The following NR3C2 variants were observed in gnomAD, a reference collection of about 807,000 sequenced individuals.
The protein encoded by NR3C2 is mineralocorticoid receptor.
Under a neutral mutation model 86.4 loss-of-function variants are expected in NR3C2, and 15 were observed. The observed-to-expected ratio is 0.17, with a 90% CI of 0.12 to 0.27. The LOEUF (loss-of-function observed/expected upper bound fraction) is 0.27. Among genes scored for constraint, NR3C2 ranks in the 10% least tolerant of loss-of-function variants. The pLI is 1.00. For missense variants in NR3C2, 960 were observed against 1,195.6 expected, an observed-to-expected ratio of 0.80 and a Z score of 2.91; for synonymous variants, 458 against 450.5, an observed-to-expected ratio of 1.02 and a Z score of -0.21.
At chr4:148,219,737 T>C (rs1009192384) in intron 3 of NR3C2, among the ~76,000 whole-genome samples, 1 of 152,198 alleles carries the variant, frequency 6.6e-6, no homozygotes, top group Non-Finnish European at 1.5e-5. Context: ...TTTGCAAAGA[T>C]ATAAAACAAC....
At chr4:148,392,388 A>C (rs540466939) in intron 2 of NR3C2, among the ~76,000 whole-genome samples, 12 of 152,362 alleles carry the variant, frequency 7.9e-5, no homozygotes, top group African/African-American at 2.6e-4. Flanking sequence ...ATAGGAAACC[A>C]AGTGTCTCTG....
rs184692310 is a variant in NR3C2, at chr4:148,103,119, C to A, written c.2799+10985G>T. On this transcript the variant is annotated intron_variant, in intron 8 of 8. Transcript: ENST00000358102. ...CTTAGAATAGCTTCCATCTATGTGG[C>A]AAACCCCGACTTGACTTTTGGGTCG... is the stretch of plus-strand genomic sequence containing the variant. Among the ~76,000 whole-genome samples the A allele has an allele frequency of 5.3e-3, 813 of 152,284 alleles. 11 individuals carry two copies. Among genetic ancestry groups the A allele is most frequent in the African/African-American group, 0.018 (758 of 41,552 alleles).
intron 8 of NR3C2, among the ~76,000 whole-genome samples, chr4:148,091,492 A>C (rs1171738388): frequency 1.3e-5 from 2 of 152,180 alleles, no homozygotes; most frequent in African/African-American, 2.4e-5. Context: ...GTTAGATCTC[A>C]AGGAGGTGGG....
chr4:148,178,367 G>A (rs1415075308), intron 4 of NR3C2, among the ~76,000 whole-genome samples: 1 of 151,796 alleles, frequency 6.6e-6, no homozygotes, highest in African/African-American at 2.4e-5. Flanking sequence ...CAAGAAGCAT[G>A]AAGCTAATAT....
Position 148,318,293 on chromosome 4 carries a change from C to G in NR3C2, c.1758-58176G>C, listed in dbSNP as rs372401690. On this transcript the variant is annotated intron_variant, in intron 2 of 8. Coordinates refer to ENST00000358102, the MANE Select transcript of NR3C2 (RefSeq NM_000901.5). ...TCTATCATTGTTGGACATTTGGGTT[C>G]GTTCCAAGTCTTTGCTATTGTGAAT... Among the ~76,000 whole-genome samples the G allele has an allele frequency of 2.9e-3, 447 of 151,552 alleles. 3 individuals carry two copies. The highest frequency in any genetic ancestry group is 7.9e-3 in the African/African-American group (326 of 41,180).
chr4:148,238,601 C>T (rs1738861159), intron 3 of NR3C2, among the ~76,000 whole-genome samples: 1 of 151,898 alleles, frequency 6.6e-6, no homozygotes, highest in South Asian at 2.1e-4. Flanking sequence ...ATATTATAAT[C>T]CCTAAGATTT....
At chr4:148,330,392 A>G (rs1359534077) in intron 2 of NR3C2, among the ~76,000 whole-genome samples, 1 of 152,102 alleles carries the variant, frequency 6.6e-6, no homozygotes, top group African/African-American at 2.4e-5. Context: ...GCTCTATTTT[A>G]TCGATTTATA....
chr4:148,362,478 A>G lies in NR3C2; in HGVS notation c.1757+72626T>C, dbSNP rs371148627. ...AACTTTAAAACTTTAAAATTTAAAA[A>G]TTAAAAATTTTAAAAATGAAATTTT... On this transcript the variant is annotated intron_variant, in intron 2 of 8. Transcript: ENST00000358102. Among the ~76,000 whole-genome samples the G allele has an allele frequency of 9.8e-5, 15 of 152,374 alleles. No individual in the cohort carries two copies. The East Asian group carries it at 2.5e-3, about 25-fold the overall frequency.
chr4:148,372,005 A>G (rs560600292), intron 2 of NR3C2, among the ~76,000 whole-genome samples: 1 of 152,310 alleles, frequency 6.6e-6, no homozygotes, highest in East Asian at 1.9e-4. Context: ...CCTCCTAGTC[A>G]GAACAGAAAT....
chr4:148,424,692 G>C (rs1749442772), intron 2 of NR3C2, among the ~76,000 whole-genome samples: 1 of 151,172 alleles, frequency 6.6e-6, no homozygotes, highest in Admixed American at 6.6e-5. Context: ...AGGCTACATA[G>C]AGTTTATAGA....
chr4:148,154,429 A>G, intron 5 of NR3C2, 122 bp downstream of exon 5: 1 of 910,880 alleles, frequency 1.1e-6, no homozygotes, highest in Admixed American at 1.7e-5. Flanking sequence ...TATCAATTTA[A>G]AAAATCTGAT....
rs72658614 is a variant in NR3C2, at chr4:148,396,908, T to G, written c.1757+38196A>C. 1.5e-3 allele frequency among the ~76,000 whole-genome samples: 226 copies of G among 152,296 alleles called. 1 individual carries two copies. Among genetic ancestry groups the G allele is most frequent in the African/African-American group, 5.1e-3 (212 of 41,568 alleles). The stretch of plus-strand genomic sequence containing the variant: ...CTTCTGCATATAAAGGACAACTAAA[T>G]TTATAGAAGTTGATGTTTTGCTCAT... On this transcript the variant is annotated intron_variant, in intron 2 of 8. Coordinates refer to ENST00000358102, the MANE Select transcript of NR3C2 (RefSeq NM_000901.5).
At chr4:148,117,356 C>T (rs895721613) in intron 7 of NR3C2, among the ~76,000 whole-genome samples, 9 of 152,172 alleles carry the variant, frequency 5.9e-5, no homozygotes, top group Non-Finnish European at 1.0e-4. Flanking sequence ...ATGGAGTCTG[C>T]GATTTTGCCT....
At chr4:148,134,624 A>ATT (rs1186608823) in intron 6 of NR3C2, among the ~76,000 whole-genome samples, 1 of 104,154 alleles carries the variant, frequency 9.6e-6, no homozygotes, top group African/African-American at 3.6e-5. Flanking sequence ...GCTCCCTGTG[A>ATT]TTCTCTCTCT....
At chr4:148,391,264 TTTCTG>T (rs1385782390) in intron 2 of NR3C2, among the ~76,000 whole-genome samples, 1 of 152,238 alleles carries the variant, frequency 6.6e-6, no homozygotes, top group African/African-American at 2.4e-5. Flanking sequence ...CACAAACGGT[TTTCTG>T]TTCTATTTCT....
intron 6 of NR3C2, among the ~76,000 whole-genome samples, chr4:148,140,069 C>A (rs928778922): frequency 6.6e-6 from 1 of 152,190 alleles, no homozygotes; most frequent in Non-Finnish European, 1.5e-5. Flanking sequence ...ATCTCTAGGT[C>A]TTGTGGCCTG....
chr4:148,323,776 G>C (rs1743787914), intron 2 of NR3C2, among the ~76,000 whole-genome samples: 1 of 152,112 alleles, frequency 6.6e-6, no homozygotes, highest in South Asian at 2.1e-4. Flanking sequence ...TGTGCCCACT[G>C]TCTGGCACTC....
chr4:148,202,178 G>A (rs751413438), intron 3 of NR3C2, among the ~76,000 whole-genome samples: 6 of 152,096 alleles, frequency 3.9e-5, no homozygotes, highest in African/African-American at 9.7e-5. Flanking sequence ...ATTTGCTCCT[G>A]CCCCAGTACC....
upstream of NR3C2, chr4:148,444,863 G>A: frequency 1.0e-6 from 1 of 984,964 alleles, no homozygotes; most frequent in Non-Finnish European, 1.2e-6. Context: ...TGGGAGCCGG[G>A]AAGTCCGGCA....
Sources: allele counts gnomAD v4.1 joint callset (sites outside exome capture counted in the v4.1 genomes callset), GRCh38; gene constraint gnomAD v4.1.1; transcripts MANE v1.5; gene names NCBI Gene and HGNC (gene_info 2026-07-23, HGNC 2026-07-21).